Variants in MIPEP observed in about 807,000 individuals in gnomAD.
MIPEP encodes mitochondrial intermediate peptidase.
MIPEP carries 79 observed loss-of-function variants against 90.3 expected under a neutral mutation model. That is an observed-to-expected ratio of 0.87 (90% CI 0.73 to 1.05). The LOEUF is 1.05. MIPEP is among the 50% of genes least tolerant of loss of function. The pLI is 0.00. For missense variants in MIPEP, 940 were observed against 905.6 expected, an observed-to-expected ratio of 1.04 and a Z score of -0.49; for synonymous variants, 334 against 315.8, an observed-to-expected ratio of 1.06 and a Z score of -0.61.
chr13:23,754,099 A>G (rs559271781), intron 18 of MIPEP, among the ~76,000 whole-genome samples: 2 of 152,178 alleles, frequency 1.3e-5, no homozygotes, highest in Non-Finnish European at 2.9e-5. Context: ...TTACATTTTC[A>G]TAGAAGAATA....
At chr13:23,780,370 C>G (rs1258994796) in intron 16 of MIPEP, among the ~76,000 whole-genome samples, 1 of 152,214 alleles carries the variant, frequency 6.6e-6, no homozygotes, top group Non-Finnish European at 1.5e-5. Flanking sequence ...CCAGCAAACT[C>G]CAACAGACCT....
intron 16 of MIPEP, among the ~76,000 whole-genome samples, chr13:23,791,304 G>A (rs1408608126): frequency 6.6e-6 from 1 of 152,148 alleles, no homozygotes; most frequent in African/African-American, 2.4e-5. Flanking sequence ...CAAACCAGTG[G>A]CACTAACCCC....
At chr13:23,873,358 TG>T (rs1411615061) in intron 5 of MIPEP, among the ~76,000 whole-genome samples, 1 of 152,218 alleles carries the variant, frequency 6.6e-6, no homozygotes, top group Admixed American at 6.5e-5. Context: ...CAATACTTTA[TG>T]AAAACTAATC....
chr13:23,881,781 A>T lies in MIPEP; in HGVS notation c.370T>A (p.Phe124Ile). Residue 124 changes from phenylalanine (F) to isoleucine (I), a missense_variant, in exon 3 of 19, where the codon TTT (phenylalanine) becomes ATT (isoleucine). By Grantham distance (21) the Phe-to-Ile change is conservative. Coordinates refer to ENST00000382172, the MANE Select transcript of MIPEP (RefSeq NM_005932.4). ...GGCTCAGGGTGAGCGATTTTCACAA[A>T]ATCAGCCTAATAAAGGGGAAAGACA... The part of the protein sequence containing the change: ...SLCRVADLAD[F>I]VKIAHPEPAF... 1 of 1,612,994 alleles carries T rather than the reference A, an allele frequency of 6.2e-7. No individual in the cohort carries two copies. Among genetic ancestry groups the T allele is most frequent in the Non-Finnish European group, 8.5e-7 (1 of 1,179,292 alleles).
intron 10 of MIPEP, among the ~76,000 whole-genome samples, chr13:23,845,647 C>CATAA (rs1869504391): frequency 3.3e-5 from 5 of 152,164 alleles, no homozygotes; most frequent in African/African-American, 1.2e-4. Flanking sequence ...GGCATTGCTG[C>CATAA]AAAGAGTACA....
Position 23,742,648 on chromosome 13 carries a change from T to C in MIPEP, c.2045-12203A>G, listed in dbSNP as rs201143330. Among the ~76,000 whole-genome samples, 4 of 152,238 alleles carry C rather than the reference T, an allele frequency of 2.6e-5. No individual in the cohort carries two copies. In the East Asian group the frequency reaches 7.7e-4, roughly 29 times the overall value. ...AGTTCAATTCCAAAACATTGATCTG[T>C]GATTAAATATCATAAAACTATCATA... On this transcript the variant is annotated intron_variant, in intron 18 of 18. Transcript: ENST00000382172.
In MIPEP at chr13:23,837,570, G is replaced by A. The variant is rs768346375; in HGVS notation, c.1525C>T (p.Arg509Cys). ...HAMHSMLGRT[R>C]YQHVTGTRCP... ...GGCTCACCAGTGACGTGTTGGTAAC[G>A]AGTACGTCCTAGCATTGAATGCATG... Residue 509 changes from arginine to cysteine, a missense_variant, in exon 13 of 19, where the codon CGT becomes TGT. Transcript: ENST00000382172. The A allele has an allele frequency of 2.5e-6, 4 of 1,612,492 alleles. No homozygotes were observed. The highest frequency in any genetic ancestry group is 1.1e-5 in the South Asian group (1 of 91,000).
chr13:23,795,567 C>G (rs1482637870), intron 16 of MIPEP, among the ~76,000 whole-genome samples: 1 of 152,146 alleles, frequency 6.6e-6, no homozygotes, highest in East Asian at 1.9e-4. Context: ...ATTTTCTTAT[C>G]TTCATGTCTT....
Position 23,836,340 on chromosome 13 carries a change from C to A in MIPEP, c.1553G>T (p.Cys518Phe). Residue 518 changes from cysteine to phenylalanine, a missense_variant, in exon 14 of 19, where the codon TGC (cysteine) becomes TTC (phenylalanine). Transcript: ENST00000382172. ...AGGAACCTCAGCAAAATCAGTAGGGCACCTGGTCCCTAAAACAAGAAAAAA... is the reference window on the plus strand; with the variant it reads ...AGGAACCTCAGCAAAATCAGTAGGGAACCTGGTCCCTAAAACAAGAAAAAA... ...TRYQHVTGTR[C>F]PTDFAEVPSI... The A allele has an allele frequency of 5.1e-6, 8 of 1,566,830 alleles. No homozygotes were observed. The highest frequency in any genetic ancestry group is 6.9e-6 in the Non-Finnish European group (8 of 1,162,054).
chr13:23,881,603 G>T, intron 3 of MIPEP, 96 bp downstream of exon 3: 1 of 1,046,682 alleles, frequency 9.6e-7, no homozygotes, highest in Non-Finnish European at 1.5e-6. Flanking sequence ...GCTGGGTGAG[G>T]GACAAGCGCT....
intron 7 of MIPEP, among the ~76,000 whole-genome samples, chr13:23,866,257 C>G: frequency 6.6e-6 from 1 of 152,180 alleles, no homozygotes; most frequent in East Asian, 1.9e-4. Flanking sequence ...TCCATCGACA[C>G]CGAAAACGTG....
At chr13:23,774,464 G>A (rs983565896) in intron 16 of MIPEP, among the ~76,000 whole-genome samples, 1 of 152,138 alleles carries the variant, frequency 6.6e-6, no homozygotes, top group Non-Finnish European at 1.5e-5. Context: ...GGTTTTGATA[G>A]AGATTGTGTT....
At chr13:23,808,096 T>C (rs557140454) in intron 15 of MIPEP, among the ~76,000 whole-genome samples, 1 of 146,236 alleles carries the variant, frequency 6.8e-6, no homozygotes, top group Admixed American at 6.8e-5. Flanking sequence ...AAAAACAGTG[T>C]TTTTTTTTTG....
intron 18 of MIPEP, among the ~76,000 whole-genome samples, chr13:23,754,055 G>A (rs1405068231): frequency 2.6e-5 from 4 of 152,154 alleles, no homozygotes; most frequent in Non-Finnish European, 5.9e-5. Flanking sequence ...CCAGGAAGCA[G>A]TTAAACAAAA....
chr13:23,853,295 G>A (rs1869889662), intron 10 of MIPEP, among the ~76,000 whole-genome samples: 1 of 152,076 alleles, frequency 6.6e-6, no homozygotes, highest in South Asian at 2.1e-4. Context: ...AGTCCTGCAA[G>A]CTCCATTTGT....
At chr13:23,831,848 C>T (rs547244122) in intron 14 of MIPEP, among the ~76,000 whole-genome samples, 1 of 152,296 alleles carries the variant, frequency 6.6e-6, no homozygotes, top group East Asian at 1.9e-4. Context: ...GGTCAAGGGG[C>T]AGGCTATTAG....
At position 23,869,274 on chromosome 13, in the gene MIPEP, T is replaced by C. The variant is rs1419150990; in HGVS notation, c.943+18A>G. ...AAAAATCCTATTTTGCCCTTAAATG[T>C]TGGATAAACAGGCTTACCTGGATTT... On this transcript the variant is annotated intron_variant, in intron 7 of 18. Coordinates refer to ENST00000382172, the MANE Select transcript of MIPEP (RefSeq NM_005932.4). 3.8e-6 allele frequency: 6 copies of C among 1,558,908 alleles called. No homozygotes were observed. Among genetic ancestry groups the C allele is most frequent in the African/African-American group, 1.4e-5 (1 of 72,266 alleles).
chr13:23,774,075 C>T (rs990385089), intron 16 of MIPEP, among the ~76,000 whole-genome samples: 14 of 152,146 alleles, frequency 9.2e-5, no homozygotes, highest in African/African-American at 3.1e-4. Flanking sequence ...AAATTTAGGT[C>T]TTTGATCTAT....
intron 16 of MIPEP, among the ~76,000 whole-genome samples, chr13:23,801,906 C>T (rs1024869181): frequency 6.6e-6 from 1 of 152,108 alleles, no homozygotes; most frequent in Non-Finnish European, 1.5e-5. Context: ...ATAAACCCTC[C>T]TATTTTTTCA....
Sources: gnomAD v4.1 joint callset for allele counts (sites outside exome capture counted in the v4.1 genomes callset) on GRCh38, gnomAD v4.1.1 for gene constraint, MANE v1.5 for transcripts, NCBI Gene and HGNC (gene_info 2026-07-23, HGNC 2026-07-21) for gene names.